The following ZC2HC1B variants were observed in gnomAD, a reference collection of about 807,000 sequenced individuals.
ZC2HC1B encodes the protein zinc finger C2HC domain-containing protein 1B.
ZC2HC1B carries 36 observed loss-of-function variants against 31.0 expected under a neutral mutation model. That is an observed-to-expected ratio of 1.16 (90% confidence interval 0.89 to 1.54). ZC2HC1B has a LOEUF of 1.54. ZC2HC1B is among the 40% of genes most tolerant of loss of function. The pLI is 0.00. For synonymous variants in ZC2HC1B, 73 were observed against 88.0 expected (o/e 0.83, Z 0.95); for missense variants, 260 against 268.6 (o/e 0.97, Z 0.22).
At position 143,877,272 on chromosome 6, in the gene ZC2HC1B, C is replaced by CTTTTTT. The variant is rs34994479; in HGVS notation, c.29-7010_29-7005dup. ...TTTCTCCTAAAGATTTTTTTAATTT[C>CTTTTTT]TTTTTTTTTTTTTTTTTTTTTTTTT... On this transcript the variant is annotated intron_variant, in intron 1 of 7. Transcript: ENST00000237275. Among the ~76,000 whole-genome samples, 27 of 42,596 alleles carry CTTTTTT rather than the reference C, an allele frequency of 6.3e-4. 3 individuals are homozygous for CTTTTTT. Among genetic ancestry groups the CTTTTTT allele is most frequent in the African/African-American group, 1.9e-3 (16 of 8,322 alleles). 27.9% of individuals were successfully genotyped at this position (42,596 alleles called of 152,430 possible). A position where few individuals can be genotyped will look rare whatever the true frequency, so the allele number is the denominator to read the frequency against.
intron 6 of ZC2HC1B, among the ~76,000 whole-genome samples, chr6:143,930,956 C>A (rs1286935854): frequency 6.6e-6 from 1 of 152,138 alleles, no homozygotes; most frequent in East Asian, 1.9e-4. Context: ...CTGTTTGGTG[C>A]TGTCAGTAGA....
At chr6:143,879,017 G>C (rs1478983004) in intron 1 of ZC2HC1B, among the ~76,000 whole-genome samples, 1 of 152,188 alleles carries the variant, frequency 6.6e-6, no homozygotes, top group African/African-American at 2.4e-5. Flanking sequence ...GTGTGGGGCA[G>C]GGGTTGGGGG....
intron 4 of ZC2HC1B, among the ~76,000 whole-genome samples, chr6:143,892,089 A>G (rs923264572): frequency 3.9e-5 from 6 of 152,112 alleles, no homozygotes; most frequent in African/African-American, 9.7e-5. Context: ...ATAAAGAAAT[A>G]CCTGAGGCTG....
In ZC2HC1B at chr6:143,872,577, C is replaced by T. The variant is rs1777354109; in HGVS notation, c.28+8010C>T. On this transcript the variant is annotated intron_variant, in intron 1 of 7. Coordinates refer to ENST00000237275, the MANE Select transcript of ZC2HC1B (RefSeq NM_001013623.3). This position sits in a 1 kb window ranked among gnomAD's most constrained non-coding sequence, Gnocchi z 5.5. ...TATGTATTAGTCTATTTTCATGCTG[C>T]TGATAAAGACATACCTGAGACTGGG... Among the ~76,000 whole-genome samples, 1 of 152,096 alleles carries T rather than the reference C, an allele frequency of 6.6e-6. No individual in the cohort carries two copies. Among genetic ancestry groups the T allele is most frequent in the Admixed American group, 6.6e-5 (1 of 15,254 alleles).
chr6:143,907,201 T>A (rs1422678084), intron 6 of ZC2HC1B, among the ~76,000 whole-genome samples: 1 of 152,260 alleles, frequency 6.6e-6, no homozygotes, highest in African/African-American at 2.4e-5. Flanking sequence ...TTTAGGTTGA[T>A]TCCATGTCTT....
At chr6:143,925,389 A>G (rs1278537534) in intron 6 of ZC2HC1B, among the ~76,000 whole-genome samples, 1 of 151,060 alleles carries the variant, frequency 6.6e-6, no homozygotes. Flanking sequence ...GTTAGCCAGG[A>G]TGGTCTCGAT....
chr6:143,889,040 G>T (rs1177017038), intron 4 of ZC2HC1B, among the ~76,000 whole-genome samples: 1 of 151,912 alleles, frequency 6.6e-6, no homozygotes, highest in Non-Finnish European at 1.5e-5. Context: ...CATATAATGG[G>T]TATTATAACA....
At chr6:143,901,336 T>C (rs1041434260) in intron 5 of ZC2HC1B, among the ~76,000 whole-genome samples, 1 of 133,826 alleles carries the variant, frequency 7.5e-6, no homozygotes, top group Non-Finnish European at 1.6e-5. Context: ...CTCGGCTCAC[T>C]GCAACCTCCG....
intron 4 of ZC2HC1B, among the ~76,000 whole-genome samples, chr6:143,890,936 T>G (rs1180484889): frequency 1.3e-5 from 2 of 151,422 alleles, no homozygotes; most frequent in South Asian, 2.1e-4. Flanking sequence ...GAGACCAGAC[T>G]GGCCAAGATG....
chr6:143,903,074 C>T lies in ZC2HC1B; in HGVS notation c.520C>T (p.Pro174Ser). 6.4e-7 allele frequency: 1 copy of T among 1,551,830 alleles called. No individual in the cohort carries two copies. Among genetic ancestry groups the T allele is most frequent in the Admixed American group, 2.0e-5 (1 of 50,992 alleles). The change falls in exon 6 of 8, where the codon CCA (proline) becomes TCA (serine). Residue 174 changes from proline to serine, a missense_variant. Physicochemically the swap from Pro to Ser is moderately conservative, Grantham distance 74 (BLOSUM62 -1). Coordinates refer to ENST00000237275, the MANE Select transcript of ZC2HC1B (RefSeq NM_001013623.3). The surrounding 1 kb of genome is among the most constrained non-coding windows in gnomAD (Gnocchi z 4.3). Reference protein sequence around the residue: ...GRAQMGPKKEPTVTSAVGALL... With the variant: ...GRAQMGPKKESTVTSAVGALL... Reference sequence around the variant, plus strand: ...GGCTCAGATGGGTCCAAAAAAAGAACCAACTGTTACCAGTGCTGTGGGAGC... The same window carrying T: ...GGCTCAGATGGGTCCAAAAAAAGAATCAACTGTTACCAGTGCTGTGGGAGC...
chr6:143,930,982 C>G (rs1778112576), intron 6 of ZC2HC1B, among the ~76,000 whole-genome samples: 1 of 152,160 alleles, frequency 6.6e-6, no homozygotes, highest in African/African-American at 2.4e-5. Context: ...GAAGTCCCCA[C>G]TATTAGTGTA....
chr6:143,910,468 A>G (rs749149833), intron 6 of ZC2HC1B, among the ~76,000 whole-genome samples: 1 of 152,198 alleles, frequency 6.6e-6, no homozygotes, highest in African/African-American at 2.4e-5. Context: ...AGTTCTTTAG[A>G]TATCTATCAG....
intron 4 of ZC2HC1B, 26 bp from the exon 5 acceptor site, chr6:143,898,526 C>T (rs745452212): frequency 2.6e-6 from 4 of 1,549,762 alleles, no homozygotes; most frequent in Non-Finnish European, 3.5e-6. Flanking sequence ...GTGCTAATTG[C>T]CATTTGTTGT....
intron 4 of ZC2HC1B, among the ~76,000 whole-genome samples, chr6:143,891,865 G>A (rs571863365): frequency 4.7e-5 from 7 of 150,104 alleles, no homozygotes; most frequent in African/African-American, 1.3e-4. Flanking sequence ...CAGTGATCAT[G>A]ACAACTTGGT....
chr6:143,913,342 G>A lies in ZC2HC1B; in HGVS notation c.598+10190G>A, dbSNP rs895034201. 3.3e-5 allele frequency among the ~76,000 whole-genome samples: 5 copies of A among 152,224 alleles called. No homozygotes were observed. The highest frequency in any genetic ancestry group is 2.0e-4 in the Admixed American group (3 of 15,290). ...TCGACTCTCCAGAGTCCACAGGCTGGAATAGCTGAATTGACCAAACAGCAG... is the reference window on the plus strand; with the variant it reads ...TCGACTCTCCAGAGTCCACAGGCTGAAATAGCTGAATTGACCAAACAGCAG... On this transcript the variant is annotated intron_variant, in intron 6 of 7. Coordinates refer to ENST00000237275, the MANE Select transcript of ZC2HC1B (RefSeq NM_001013623.3). This position sits in a 1 kb window ranked among gnomAD's most constrained non-coding sequence, Gnocchi z 5.7.
At chr6:143,881,228 A>G (rs1777462017) in intron 1 of ZC2HC1B, among the ~76,000 whole-genome samples, 1 of 152,108 alleles carries the variant, frequency 6.6e-6, no homozygotes, top group Non-Finnish European at 1.5e-5. Context: ...CAGCATTGAA[A>G]TCCATCCAGA....
In ZC2HC1B at chr6:143,869,531, G is replaced by A. The variant is rs1026169774; in HGVS notation, c.28+4964G>A. Among the ~76,000 whole-genome samples, 9 of 152,228 alleles carry A rather than the reference G, an allele frequency of 5.9e-5. No individual in the cohort carries two copies. The highest frequency in any genetic ancestry group is 1.9e-4 in the African/African-American group (8 of 41,458). Reference sequence around the variant, plus strand: ...CAATGCTGTGTGGAATACCATGACAGTGGATAAGGCATGCTATGAGTCCAT... The same window carrying A: ...CAATGCTGTGTGGAATACCATGACAATGGATAAGGCATGCTATGAGTCCAT... On this transcript the variant is annotated intron_variant, in intron 1 of 7. Transcript: ENST00000237275. The surrounding 1 kb of genome is among the most constrained non-coding windows in gnomAD (Gnocchi z 5.2).
intron 5 of ZC2HC1B, among the ~76,000 whole-genome samples, chr6:143,902,685 A>T (rs985349592): frequency 6.6e-6 from 1 of 152,216 alleles, no homozygotes; most frequent in Non-Finnish European, 1.5e-5. Context: ...AATAGTCTTC[A>T]AGTGTAATGA....
rs534350484 is a variant in ZC2HC1B, at chr6:143,901,893, G to A, written c.490-1151G>A. Among the ~76,000 whole-genome samples, 33 of 152,312 alleles carry A rather than the reference G, an allele frequency of 2.2e-4. No homozygotes were observed. In the East Asian group the frequency reaches 2.9e-3, roughly 13 times the overall value. ...TATAAGTCTACCTACAGTCTGTAAA[G>A]CAGTAAAGGGTGAGTTACATTTCTG... On this transcript the variant is annotated intron_variant, in intron 5 of 7. Transcript: ENST00000237275.
Sources: allele counts gnomAD v4.1 joint callset (sites outside exome capture counted in the v4.1 genomes callset), GRCh38; gene constraint gnomAD v4.1.1; non-coding constraint Gnocchi (gnomAD v3.1); transcripts MANE v1.5; gene names NCBI Gene and HGNC (gene_info 2026-07-23, HGNC 2026-07-21).